Variants in ABCB4 observed in about 807,000 individuals in gnomAD.
ABCB4 encodes the protein phosphatidylcholine translocator ABCB4.
ABCB4 carries 76 observed loss-of-function variants against 145.7 expected under a neutral mutation model. The observed-to-expected ratio is 0.52, with a 90% CI of 0.43 to 0.63. The LOEUF is 0.63. ABCB4 is among the 30% of genes least tolerant of loss of function. The probability of loss-of-function intolerance (pLI) is 0.00; values close to 1 mark genes in which losing one functional copy is unlikely to be tolerated. For missense variants in ABCB4, 1,234 were observed against 1,553.1 expected, an observed-to-expected ratio of 0.79 and a Z score of 3.45; for synonymous variants, 517 against 566.8, an observed-to-expected ratio of 0.91 and a Z score of 1.25.
intron 4 of ABCB4, among the ~76,000 whole-genome samples, chr7:87,456,321 T>G (rs1812097757): frequency 6.6e-6 from 1 of 152,202 alleles, no homozygotes; most frequent in Admixed American, 6.5e-5. Flanking sequence ...AATCTCACGT[T>G]GAAATGTGAT....
At chr7:87,414,415 A>G (rs1405502084) in intron 21 of ABCB4, among the ~76,000 whole-genome samples, 2 of 152,232 alleles carry the variant, frequency 1.3e-5, no homozygotes, top group East Asian at 3.8e-4. Context: ...AGACTCAGAT[A>G]TTAGAGCCTG....
chr7:87,385,262 TG>T, the ABCB4 span, among the ~76,000 whole-genome samples: 1 of 152,264 alleles, frequency 6.6e-6, no homozygotes, highest in East Asian at 1.9e-4. Flanking sequence ...GGAATTGCAT[TG>T]AATATGTAGA....
intron 7 of ABCB4, 62 bp from the exon 8 acceptor site, chr7:87,450,154 T>C: frequency 1.2e-6 from 2 of 1,603,534 alleles, no homozygotes; most frequent in Non-Finnish European, 1.7e-6. Context: ...GGCACTCTGG[T>C]CAACCCTTTA....
At chr7:87,374,169 T>A in the ABCB4 span, among the ~76,000 whole-genome samples, 1 of 152,008 alleles carries the variant, frequency 6.6e-6, no homozygotes, top group African/African-American at 2.4e-5. Flanking sequence ...TGCTTTGAAA[T>A]ATAAAAAATT....
At chr7:87,414,676 T>A (rs1808847997) in intron 21 of ABCB4, among the ~76,000 whole-genome samples, 3 of 146,844 alleles carry the variant, frequency 2.0e-5, no homozygotes. Flanking sequence ...GCTTTAAGAC[T>A]TTTTTTTTTA....
chr7:87,435,139 G>C (rs1024784305), intron 14 of ABCB4, among the ~76,000 whole-genome samples: 15 of 152,316 alleles, frequency 9.8e-5, no homozygotes, highest in Admixed American at 9.8e-4. Flanking sequence ...TAAAAAGAGA[G>C]TTGGATTGTA....
chr7:87,473,726 A>AGTGTGTGTGTT (rs1554417777), intron 2 of ABCB4, among the ~76,000 whole-genome samples: 1 of 150,008 alleles, frequency 6.7e-6, no homozygotes, highest in African/African-American at 2.4e-5. Flanking sequence ...TCTATGAGGG[A>AGTGTGTGTGTT]GTGTGTGTGT....
At chr7:87,449,858 G>A (rs372404058) in intron 8 of ABCB4, 110 bp downstream of exon 8, 19 of 1,539,574 alleles carry the variant, frequency 1.2e-5, no homozygotes, top group East Asian at 2.3e-5. Flanking sequence ...TAATTTATGC[G>A]AGAAGGGTTA....
the ABCB4 span, among the ~76,000 whole-genome samples, chr7:87,383,354 C>A: frequency 2.0e-5 from 3 of 152,164 alleles, no homozygotes; most frequent in East Asian, 3.9e-4. Flanking sequence ...TAGGTGAGAA[C>A]CTGCAGTATT....
chr7:87,376,540 T>G, the ABCB4 span, among the ~76,000 whole-genome samples: 2 of 152,052 alleles, frequency 1.3e-5, no homozygotes, highest in Admixed American at 1.3e-4. Flanking sequence ...TCATAGTCTT[T>G]TGAAAATACT....
intron 3 of ABCB4, among the ~76,000 whole-genome samples, chr7:87,469,830 G>A (rs1485918307): frequency 4.6e-5 from 7 of 150,830 alleles, no homozygotes; most frequent in African/African-American, 9.8e-5. Context: ...TCCCCATCAA[G>A]CTACCAATGA....
chr7:87,379,281 T>C, the ABCB4 span, among the ~76,000 whole-genome samples: 1 of 152,206 alleles, frequency 6.6e-6, no homozygotes, highest in Non-Finnish European at 1.5e-5. Context: ...ATCACACTTT[T>C]CCCCCTCTGA....
At chr7:87,465,320 G>T (rs1222246772) in intron 3 of ABCB4, among the ~76,000 whole-genome samples, 1 of 152,200 alleles carries the variant, frequency 6.6e-6, no homozygotes, top group Non-Finnish European at 1.5e-5. Flanking sequence ...TGGCAGCGAG[G>T]CTGGGGGAAG....
At position 87,415,582 on chromosome 7, in the gene ABCB4, A is replaced by G. The variant is rs535981426; in HGVS notation, c.2682+1730T>C. Among the ~76,000 whole-genome samples, 7 of 152,268 alleles carry G rather than the reference A, an allele frequency of 4.6e-5. No individual in the cohort carries two copies. The South Asian group carries it at 1.5e-3, about 32-fold the overall frequency. The stretch of plus-strand genomic sequence containing the variant: ...GCCAGTCTGAGTTATTCAATCTCTG[A>G]TGCTTAGAATAACAGGGTTTTAGCT... On this transcript the variant is annotated intron_variant, in intron 21 of 27. Coordinates refer to ENST00000649586, the MANE Select transcript of ABCB4 (RefSeq NM_000443.4).
intron 15 of ABCB4, among the ~76,000 whole-genome samples, chr7:87,428,324 T>C (rs1353512051): frequency 1.3e-5 from 2 of 152,220 alleles, no homozygotes; most frequent in Non-Finnish European, 2.9e-5. Flanking sequence ...TAGCCACTTT[T>C]CCACCAGGTG....
intron 14 of ABCB4, among the ~76,000 whole-genome samples, chr7:87,432,780 C>T (rs919281671): frequency 3.9e-5 from 6 of 152,126 alleles, no homozygotes; most frequent in African/African-American, 7.2e-5. Context: ...TTCTGGAATT[C>T]GATAGCAGTG....
At chr7:87,420,511 A>G (rs1364249443) in intron 18 of ABCB4, among the ~76,000 whole-genome samples, 1 of 152,162 alleles carries the variant, frequency 6.6e-6, no homozygotes, top group East Asian at 1.9e-4. Context: ...CTCACTTGTG[A>G]CAAGTTATAA....
At chr7:87,369,003 T>C in the ABCB4 span, among the ~76,000 whole-genome samples, 1 of 152,226 alleles carries the variant, frequency 6.6e-6, no homozygotes, top group East Asian at 1.9e-4. Flanking sequence ...AACATTAAAA[T>C]AATCCAAAAG....
chr7:87,413,071 A>T (rs994463889), intron 22 of ABCB4, among the ~76,000 whole-genome samples: 3 of 152,264 alleles, frequency 2.0e-5, no homozygotes, highest in African/African-American at 7.2e-5. Context: ...ATACTCATTT[A>T]TAAAATCAGG....
Sources: allele counts gnomAD v4.1 joint callset (sites outside exome capture counted in the v4.1 genomes callset), GRCh38; gene constraint gnomAD v4.1.1; transcripts MANE v1.5; gene names NCBI Gene and HGNC (gene_info 2026-07-23, HGNC 2026-07-21).